The following PDZRN4 variants were observed in gnomAD, a reference collection of about 807,000 sequenced individuals.
The protein encoded by PDZRN4 is PDZ domain-containing RING finger protein 4.
Under a neutral mutation model 99.0 loss-of-function variants are expected in PDZRN4, and 70 were observed. The observed-to-expected ratio is 0.71, with a 90% CI of 0.58 to 0.86. The LOEUF (loss-of-function observed/expected upper bound fraction) is 0.86. PDZRN4 is among the 40% of genes least tolerant of loss of function. The probability of loss-of-function intolerance (pLI) is 0.00; values close to 1 mark genes in which losing one functional copy is unlikely to be tolerated. For synonymous variants in PDZRN4, 551 were observed against 501.6 expected (o/e 1.10, Z -1.32); for missense variants, 1,474 against 1,331.2 (o/e 1.11, Z -1.67).
chr12:41,248,851 ATGTAATTATC>A (rs1951150539), intron 3 of PDZRN4, among the ~76,000 whole-genome samples: 2 of 152,284 alleles, frequency 1.3e-5, no homozygotes, highest in South Asian at 4.1e-4. Flanking sequence ...GCTTGGCGTA[ATGTAATTATC>A]CCCAGAGTAA....
At chr12:41,552,573 C>A in intron 5 of PDZRN4, 83 bp from the exon 6 acceptor site, 1 of 1,053,054 alleles carries the variant, frequency 9.5e-7, no homozygotes, top group South Asian at 1.4e-5. Flanking sequence ...GCCAGAGTAA[C>A]CCAAAGAATA....
rs2120437253 is a variant in PDZRN4 at position 41,430,718 on chromosome 12, G to T, written c.844-75738G>T. On this transcript the variant is annotated intron_variant, in intron 3 of 9. Transcript: ENST00000402685. ...ATAAAATTTCAAACAATGTAATAGAGATTTAACATAACAAAAATTGTAAAG... is the reference window on the plus strand; with the variant it reads ...ATAAAATTTCAAACAATGTAATAGATATTTAACATAACAAAAATTGTAAAG... 2.0e-5 allele frequency among the ~76,000 whole-genome samples: 3 copies of T among 152,210 alleles called. No homozygotes were observed. In the East Asian group the frequency reaches 5.8e-4, roughly 29 times the overall value.
intron 3 of PDZRN4, among the ~76,000 whole-genome samples, chr12:41,379,514 C>A (rs899909537): frequency 2.0e-5 from 3 of 151,164 alleles, no homozygotes; most frequent in Non-Finnish European, 4.4e-5. Flanking sequence ...TTAAACTTTT[C>A]TTTTAGAACA....
At chr12:41,440,688 A>T (rs1952671540) in intron 3 of PDZRN4, among the ~76,000 whole-genome samples, 1 of 152,160 alleles carries the variant, frequency 6.6e-6, no homozygotes, top group Non-Finnish European at 1.5e-5. Context: ...ACACAGATAC[A>T]AGAATCTAGG....
intron 3 of PDZRN4, among the ~76,000 whole-genome samples, chr12:41,445,661 T>C (rs1317655588): frequency 1.4e-5 from 2 of 140,188 alleles, no homozygotes; most frequent in Non-Finnish European, 3.1e-5. Flanking sequence ...TCTATACTCT[T>C]GACATGTTTA....
At chr12:41,322,910 T>C (rs1023288119) in intron 3 of PDZRN4, among the ~76,000 whole-genome samples, 7 of 152,108 alleles carry the variant, frequency 4.6e-5, no homozygotes, top group Non-Finnish European at 8.8e-5. Context: ...ATTTTCTTTC[T>C]CATACATCTT....
intron 3 of PDZRN4, among the ~76,000 whole-genome samples, chr12:41,464,118 A>G (rs1162995945): frequency 1.3e-5 from 2 of 152,078 alleles, no homozygotes; most frequent in African/African-American, 4.8e-5. Flanking sequence ...TGTCCTCCAC[A>G]CTCTATAACA....
At chr12:41,568,284 A>G (rs1346159475) in intron 9 of PDZRN4, among the ~76,000 whole-genome samples, 1 of 152,188 alleles carries the variant, frequency 6.6e-6, no homozygotes, top group Non-Finnish European at 1.5e-5. Flanking sequence ...ATATTAATGT[A>G]TCTATTTGAA....
At chr12:41,245,819 G>T (rs1432203082) in intron 3 of PDZRN4, among the ~76,000 whole-genome samples, 2 of 152,120 alleles carry the variant, frequency 1.3e-5, no homozygotes, top group African/African-American at 4.8e-5. Flanking sequence ...AAAATGGAGA[G>T]CAAAAGAAGG....
chr12:41,394,614 A>G (rs1186640266), intron 3 of PDZRN4, among the ~76,000 whole-genome samples: 1 of 152,096 alleles, frequency 6.6e-6, no homozygotes, highest in Non-Finnish European at 1.5e-5. Context: ...GCATCTGAAG[A>G]TTCTACTGGG....
At chr12:41,308,152 G>A (rs558251990) in intron 3 of PDZRN4, among the ~76,000 whole-genome samples, 1 of 151,872 alleles carries the variant, frequency 6.6e-6, no homozygotes, top group Non-Finnish European at 1.5e-5. Context: ...ATTATTTTTA[G>A]CTATTAACAT....
chr12:41,572,896 G>A lies in PDZRN4; in HGVS notation c.2117G>A (p.Gly706Glu), dbSNP rs2120864183. The A allele has an allele frequency of 6.2e-6, 10 of 1,614,122 alleles. No individual in the cohort carries two copies. Among genetic ancestry groups the A allele is most frequent in the Non-Finnish European group, 8.5e-6 (10 of 1,180,010 alleles). The change falls in exon 10 of 10, where the codon GGA (glycine) becomes GAA (glutamate). Residue 706 changes from glycine (G) to glutamate (E), a missense_variant. Transcript: ENST00000402685. ...GACATCTGGACATTGCATGATGGAGGATTCCGGAATTATAACACCAGCATA... is the reference window on the plus strand; with the variant it reads ...GACATCTGGACATTGCATGATGGAGAATTCCGGAATTATAACACCAGCATA... ...YGDIWTLHDG[G>E]FRNYNTSIDM...
intron 3 of PDZRN4, among the ~76,000 whole-genome samples, chr12:41,291,031 T>TA (rs200491823): frequency 0.015 from 2,208 of 151,520 alleles, 24 homozygotes; most frequent in Middle Eastern, 0.034. Context: ...AGTTGCTTTT[T>TA]AAAAAAAAAT....
intron 5 of PDZRN4, among the ~76,000 whole-genome samples, chr12:41,520,709 G>T (rs1361566580): frequency 6.6e-6 from 1 of 151,802 alleles, no homozygotes; most frequent in East Asian, 1.9e-4. Context: ...TGTTTAAAGT[G>T]TGTTGATGGA....
intron 3 of PDZRN4, among the ~76,000 whole-genome samples, chr12:41,227,286 C>T (rs1174521441): frequency 6.6e-6 from 1 of 152,060 alleles, no homozygotes; most frequent in African/African-American, 2.4e-5. Context: ...GAACTAAAAT[C>T]CCCAGTGATT....
At chr12:41,339,388 G>T (rs1004932524) in intron 3 of PDZRN4, among the ~76,000 whole-genome samples, 6 of 151,950 alleles carry the variant, frequency 3.9e-5, no homozygotes, top group African/African-American at 9.7e-5. Context: ...AAAGAATAAA[G>T]CTAGACTCTT....
At chr12:41,223,291 A>G (rs1950970555) in intron 3 of PDZRN4, among the ~76,000 whole-genome samples, 2 of 152,174 alleles carry the variant, frequency 1.3e-5, no homozygotes, top group African/African-American at 4.8e-5. Context: ...GTATGTAGAC[A>G]TTAAAGAAAA....
intron 3 of PDZRN4, among the ~76,000 whole-genome samples, chr12:41,455,181 T>A (rs1952808193): frequency 6.6e-6 from 1 of 152,210 alleles, no homozygotes; most frequent in South Asian, 2.1e-4. Flanking sequence ...GAATTTTGTT[T>A]AAATGTGTAG....
intron 3 of PDZRN4, among the ~76,000 whole-genome samples, chr12:41,410,629 T>C (rs1266515261): frequency 6.6e-6 from 1 of 152,118 alleles, no homozygotes; most frequent in Non-Finnish European, 1.5e-5. Context: ...GGGTACCCCA[T>C]CCAGGAGGAA....
Sources: gnomAD v4.1 joint callset for allele counts (sites outside exome capture counted in the v4.1 genomes callset) on GRCh38, gnomAD v4.1.1 for gene constraint, MANE v1.5 for transcripts, NCBI Gene and HGNC (gene_info 2026-07-23, HGNC 2026-07-21) for gene names.